NETO1: variants seen among roughly 807,000 people sequenced by gnomAD.
NETO1 encodes the protein neuropilin and tolloid-like protein 1.
Under a neutral mutation model 61.3 loss-of-function variants are expected in NETO1, and 26 were observed. The observed-to-expected ratio is 0.42, with a 90% confidence interval of 0.31 to 0.59. The LOEUF (loss-of-function observed/expected upper bound fraction) is 0.59, where lower values mean the gene tolerates loss of function less well. Among genes scored for constraint, NETO1 ranks in the 20% least tolerant of loss-of-function variants. The probability of loss-of-function intolerance (pLI) is 0.12; values close to 1 mark genes in which losing one functional copy is unlikely to be tolerated. For missense variants in NETO1, 531 were observed against 662.8 expected (o/e 0.80, Z 2.18); for synonymous variants, 225 against 225.8 (o/e 1.00, Z 0.03).
intron 4 of NETO1, among the ~76,000 whole-genome samples, chr18:72,813,160 G>C (rs1215260396): frequency 6.6e-6 from 1 of 152,128 alleles, no homozygotes; most frequent in Non-Finnish European, 1.5e-5. Flanking sequence ...CCTTGCTGTT[G>C]AGCAGAGTGA....
intron 7 of NETO1, among the ~76,000 whole-genome samples, chr18:72,770,483 A>G (rs2071318395): frequency 6.6e-6 from 1 of 151,994 alleles, no homozygotes; most frequent in South Asian, 2.1e-4. Context: ...ACATTCAGCA[A>G]TTTTCTCAGC....
At chr18:72,833,304 A>T (rs1728785592) in intron 4 of NETO1, among the ~76,000 whole-genome samples, 1 of 152,140 alleles carries the variant, frequency 6.6e-6, no homozygotes, top group Admixed American at 6.5e-5. Context: ...CCTACTTTAG[A>T]TCTGTACTTG....
chr18:72,813,882 A>T (rs1180222305), intron 4 of NETO1, among the ~76,000 whole-genome samples: 1 of 152,118 alleles, frequency 6.6e-6, no homozygotes, highest in Non-Finnish European at 1.5e-5. Context: ...AGAGTTTTCA[A>T]AACTGTTGAA....
At chr18:72,827,493 T>C (rs2073418713) in intron 4 of NETO1, among the ~76,000 whole-genome samples, 1 of 151,960 alleles carries the variant, frequency 6.6e-6, no homozygotes, top group Non-Finnish European at 1.5e-5. Context: ...CAGGAGAAAA[T>C]TTGAGAAACA....
chr18:72,845,545 T>C (rs1439744794), intron 4 of NETO1, among the ~76,000 whole-genome samples: 2 of 152,228 alleles, frequency 1.3e-5, no homozygotes, highest in African/African-American at 2.4e-5. Flanking sequence ...CAACAATGAT[T>C]TGGCATCTGG....
At chr18:72,772,441 G>A (rs74976828) in intron 7 of NETO1, among the ~76,000 whole-genome samples, 13,210 of 152,036 alleles carry the variant, frequency 0.087, 726 homozygotes, top group Middle Eastern at 0.18. Flanking sequence ...TAAATCTGGT[G>A]CAGACCCTGG....
intron 4 of NETO1, among the ~76,000 whole-genome samples, chr18:72,795,971 CAT>C (rs1491473566): frequency 6.6e-6 from 1 of 152,126 alleles, no homozygotes; most frequent in Non-Finnish European, 1.5e-5. Context: ...TCAATGACTA[CAT>C]GTTAAAGGAA....
chr18:72,810,128 C>T (rs1254577811), intron 4 of NETO1, among the ~76,000 whole-genome samples: 1 of 152,220 alleles, frequency 6.6e-6, no homozygotes, highest in Non-Finnish European at 1.5e-5. Flanking sequence ...TTGCATTCTA[C>T]AATATCAAGT....
intron 4 of NETO1, among the ~76,000 whole-genome samples, chr18:72,826,064 G>A (rs543135506): frequency 1.3e-5 from 2 of 152,158 alleles, no homozygotes; most frequent in South Asian, 4.1e-4. Flanking sequence ...TAACTTACTT[G>A]TATTAGTGTA....
At chr18:72,856,784 C>A (rs780399541) in intron 4 of NETO1, among the ~76,000 whole-genome samples, 3 of 152,178 alleles carry the variant, frequency 2.0e-5, no homozygotes, top group African/African-American at 4.8e-5. Context: ...AGAGCCCTGG[C>A]AATTCTCGTA....
intron 4 of NETO1, among the ~76,000 whole-genome samples, chr18:72,827,689 C>T (rs2073425309): frequency 7.1e-6 from 1 of 140,060 alleles, no homozygotes; most frequent in Non-Finnish European, 1.5e-5. Flanking sequence ...GCACTTCATC[C>T]TGGGCAACCA....
intron 4 of NETO1, among the ~76,000 whole-genome samples, chr18:72,854,678 C>T (rs1239321321): frequency 1.3e-5 from 2 of 152,128 alleles, no homozygotes; most frequent in African/African-American, 2.4e-5. Flanking sequence ...GCTCAAAAGG[C>T]ATTCTTAGTT....
At chr18:72,779,759 T>C (rs2071675222) in intron 7 of NETO1, among the ~76,000 whole-genome samples, 1 of 152,204 alleles carries the variant, frequency 6.6e-6, no homozygotes, top group Non-Finnish European at 1.5e-5. Context: ...ATGACAAATA[T>C]ACACAGGCAT....
intron 7 of NETO1, among the ~76,000 whole-genome samples, chr18:72,773,082 CA>C (rs2071429565): frequency 6.6e-6 from 1 of 151,842 alleles, no homozygotes; most frequent in Admixed American, 6.6e-5. Flanking sequence ...CTGCAGAACA[CA>C]ATTGTGCTAG....
chr18:72,851,455 A>G (rs1252837516), intron 4 of NETO1, among the ~76,000 whole-genome samples: 1 of 152,128 alleles, frequency 6.6e-6, no homozygotes, highest in Non-Finnish European at 1.5e-5. Flanking sequence ...AATTCGTGGG[A>G]GATCTAGGAG....
chr18:72,860,263 T>C (rs1174813976), intron 3 of NETO1, among the ~76,000 whole-genome samples: 2 of 152,224 alleles, frequency 1.3e-5, no homozygotes, highest in African/African-American at 2.4e-5. Context: ...ACTAAGCCCC[T>C]GTAGACACTT....
chr18:72,795,397 T>C (rs984087659), intron 4 of NETO1, among the ~76,000 whole-genome samples: 1 of 152,212 alleles, frequency 6.6e-6, no homozygotes, highest in Admixed American at 6.5e-5. Context: ...AGGCTAACTG[T>C]GATGAAGAGC....
chr18:72,772,823 C>CTATATATA (rs2071414773), intron 7 of NETO1, among the ~76,000 whole-genome samples: 3 of 38,856 alleles, frequency 7.7e-5, no homozygotes, highest in African/African-American at 1.2e-4. Flanking sequence ...CTCTCTCTCT[C>CTATATATA]TCTATATATA....
At chr18:72,797,043 T>A (rs1224632445) in intron 4 of NETO1, among the ~76,000 whole-genome samples, 1 of 152,206 alleles carries the variant, frequency 6.6e-6, no homozygotes, top group Non-Finnish European at 1.5e-5. Flanking sequence ...TATTCTTCCT[T>A]ATTTTTCCAT....
Sources: gnomAD v4.1 joint callset for allele counts (sites outside exome capture counted in the v4.1 genomes callset) on GRCh38, gnomAD v4.1.1 for gene constraint, MANE v1.5 for transcripts, NCBI Gene and HGNC (gene_info 2026-07-23, HGNC 2026-07-21) for gene names.